Variants in SYT14 observed in about 807,000 individuals in gnomAD.
The protein encoded by SYT14 is synaptotagmin 14.
Under a neutral mutation model 74.2 loss-of-function variants are expected in SYT14, and 32 were observed. That is an observed-to-expected ratio of 0.43 (90% CI 0.33 to 0.58). The LOEUF (loss-of-function observed/expected upper bound fraction) is 0.58, where lower values mean the gene tolerates loss of function less well. Ranked by LOEUF, SYT14 falls within the 20% of genes least tolerant of loss-of-function variation. The pLI is 0.05. For synonymous variants in SYT14, 298 were observed against 337.7 expected (o/e 0.88, Z 1.29); for missense variants, 791 against 981.8 (o/e 0.81, Z 2.60).
intron 5 of SYT14, among the ~76,000 whole-genome samples, chr1:210,046,714 G>A (rs748696460): frequency 4.6e-5 from 7 of 152,088 alleles, no homozygotes; most frequent in Non-Finnish European, 1.0e-4. Context: ...ATTACTGAAT[G>A]GTACTTCATT....
chr1:210,132,411 T>G (rs1180313268), intron 7 of SYT14, among the ~76,000 whole-genome samples: 1 of 152,134 alleles, frequency 6.6e-6, no homozygotes, highest in Non-Finnish European at 1.5e-5. Flanking sequence ...ACTTTTATTT[T>G]AAGCTCAGGG....
chr1:210,140,747 G>GA (rs1023967202), intron 7 of SYT14, among the ~76,000 whole-genome samples: 3 of 151,586 alleles, frequency 2.0e-5, no homozygotes, highest in Non-Finnish European at 2.9e-5. Flanking sequence ...ACAATTTGTT[G>GA]AAAAAAAATC....
At chr1:210,082,603 A>G (rs1004264070) in intron 5 of SYT14, among the ~76,000 whole-genome samples, 1 of 152,208 alleles carries the variant, frequency 6.6e-6, no homozygotes, top group Non-Finnish European at 1.5e-5. Flanking sequence ...ACTTAGCCTG[A>G]TAATTATCAT....
chr1:210,110,231 G>T (rs980159358), intron 7 of SYT14, among the ~76,000 whole-genome samples: 54 of 152,148 alleles, frequency 3.5e-4, no homozygotes, highest in African/African-American at 1.2e-3. Flanking sequence ...CAAACCTGCA[G>T]ATTCTGCACA....
intron 7 of SYT14, among the ~76,000 whole-genome samples, chr1:210,133,398 A>G (rs917790650): frequency 3.9e-5 from 6 of 152,210 alleles, no homozygotes; most frequent in African/African-American, 2.4e-5. Context: ...TCAGATTCTT[A>G]TGCTGCTCTT....
rs555799892 is a variant in SYT14 at position 210,016,888 on chromosome 1, A to C, written c.885A>C (p.Thr295=). The C allele has an allele frequency of 2.4e-6, 3 of 1,231,814 alleles. No homozygotes were observed. The African/African-American group carries it at 4.6e-5, about 19-fold the overall frequency. 76.3% of individuals were successfully genotyped at this position (1,231,814 alleles called of 1,614,324 possible). The change falls in exon 4 of 10, where the codon ACA becomes ACC. Residue 295 remains threonine (T), a synonymous_variant. Coordinates refer to ENST00000637265, the Ensembl canonical transcript of SYT14. Reference sequence around the variant, plus strand: ...TTTTGACAAGCAATAGGCATATGACACAGAAATCTATTATAAAAGAAGACA... The same window carrying C: ...TTTTGACAAGCAATAGGCATATGACCCAGAAATCTATTATAAAAGAAGACA...
intron 7 of SYT14, among the ~76,000 whole-genome samples, chr1:210,126,549 A>G (rs2102626578): frequency 1.3e-5 from 2 of 152,300 alleles, no homozygotes; most frequent in South Asian, 4.1e-4. Flanking sequence ...CCAAGTTTAA[A>G]GTATGAACAT....
chr1:209,985,857 G>A (rs987447143), intron 2 of SYT14, among the ~76,000 whole-genome samples: 2 of 152,226 alleles, frequency 1.3e-5, no homozygotes, highest in Non-Finnish European at 1.5e-5. Context: ...TGAAGCAGCA[G>A]CCCAAGGTAT....
chr1:209,974,023 C>G (rs977125760), intron 2 of SYT14, among the ~76,000 whole-genome samples: 6 of 151,378 alleles, frequency 4.0e-5, no homozygotes, highest in African/African-American at 1.5e-4. Context: ...TGAGAAGTGT[C>G]TGTTCATATC....
intron 7 of SYT14, among the ~76,000 whole-genome samples, chr1:210,114,499 G>A (rs1023429912): frequency 2.0e-5 from 3 of 150,824 alleles, no homozygotes; most frequent in Non-Finnish European, 4.4e-5. Context: ...AATATTGGGA[G>A]CAGATTGGGT....
intron 2 of SYT14, among the ~76,000 whole-genome samples, chr1:209,990,203 T>C (rs142139794): frequency 4.6e-4 from 70 of 152,162 alleles, no homozygotes; most frequent in African/African-American, 1.5e-3. Context: ...TTACAAAATA[T>C]ATAAAAAATG....
At chr1:210,104,714 T>C (rs2082128075) in intron 7 of SYT14, among the ~76,000 whole-genome samples, 1 of 152,204 alleles carries the variant, frequency 6.6e-6, no homozygotes, top group African/African-American at 2.4e-5. Flanking sequence ...TATTATTACA[T>C]TTATTGATTG....
chr1:210,160,028 T>C (rs1221358472), intron 9 of SYT14, among the ~76,000 whole-genome samples: 1 of 152,232 alleles, frequency 6.6e-6, no homozygotes, highest in African/African-American at 2.4e-5. Context: ...AATCCTATAG[T>C]ATTTTAACTA....
intron 2 of SYT14, among the ~76,000 whole-genome samples, chr1:209,963,261 T>C (rs2079104796): frequency 6.6e-6 from 1 of 152,184 alleles, no homozygotes; most frequent in Non-Finnish European, 1.5e-5. Context: ...GATGGATTGC[T>C]GAGATGGTCC....
intron 7 of SYT14, among the ~76,000 whole-genome samples, chr1:210,107,521 T>A (rs2082180494): frequency 6.6e-6 from 1 of 152,144 alleles, no homozygotes; most frequent in South Asian, 2.1e-4. Context: ...CTGTATTTGA[T>A]TTTTTTAACT....
At chr1:209,980,529 A>G (rs1183119135) in intron 2 of SYT14, among the ~76,000 whole-genome samples, 1 of 152,178 alleles carries the variant, frequency 6.6e-6, no homozygotes, top group Non-Finnish European at 1.5e-5. Context: ...GCCGGTGCCT[A>G]TATCCTGAAA....
chr1:210,031,007 A>T (rs955858891), intron 5 of SYT14, among the ~76,000 whole-genome samples: 2 of 151,424 alleles, frequency 1.3e-5, no homozygotes, highest in African/African-American at 4.9e-5. Flanking sequence ...GCTCACTGCA[A>T]CCTTGACCTC....
chr1:210,100,505 G>T, intron 7 of SYT14, 44 bp downstream of exon 6: 1 of 1,570,900 alleles, frequency 6.4e-7, no homozygotes. Flanking sequence ...TATGTTCATG[G>T]TTTATAGTAT....
intron 5 of SYT14, among the ~76,000 whole-genome samples, chr1:210,093,639 T>C (rs1479364369): frequency 6.6e-6 from 1 of 152,208 alleles, no homozygotes; most frequent in Non-Finnish European, 1.5e-5. Context: ...GGAGTCATAA[T>C]TTATAAAGAA....
Sources: gnomAD v4.1 joint callset for allele counts (sites outside exome capture counted in the v4.1 genomes callset) on GRCh38, gnomAD v4.1.1 for gene constraint, MANE v1.5 for transcripts, NCBI Gene and HGNC (gene_info 2026-07-23, HGNC 2026-07-21) for gene names.